Variants in PTPRR observed in about 807,000 individuals in gnomAD.
The protein encoded by PTPRR is protein tyrosine phosphatase receptor type R.
In PTPRR, 38 loss-of-function variants were observed where a neutral mutation model predicts 77.2. The observed-to-expected ratio is 0.49, with a 90% CI of 0.38 to 0.65. PTPRR has a LOEUF of 0.65. PTPRR is among the 30% of genes least tolerant of loss of function. The pLI is 0.00. For synonymous variants in PTPRR, 299 were observed against 283.1 expected, an observed-to-expected ratio of 1.06 and a Z score of -0.57; for missense variants, 744 against 799.2, an observed-to-expected ratio of 0.93 and a Z score of 0.83.
intron 5 of PTPRR, among the ~76,000 whole-genome samples, chr12:70,749,836 C>A (rs910150698): frequency 6.6e-6 from 1 of 152,184 alleles, no homozygotes; most frequent in African/African-American, 2.4e-5. Context: ...AGCAATCTGG[C>A]CTGTAGACAT....
chr12:70,847,636 C>T (rs940730064), intron 2 of PTPRR, among the ~76,000 whole-genome samples: 1 of 152,040 alleles, frequency 6.6e-6, no homozygotes, highest in Non-Finnish European at 1.5e-5. Context: ...TTTATTGTTC[C>T]TACTTCACCA....
At chr12:70,736,583 A>C (rs1326108093) in intron 6 of PTPRR, among the ~76,000 whole-genome samples, 2 of 152,186 alleles carry the variant, frequency 1.3e-5, no homozygotes, top group Non-Finnish European at 2.9e-5. Flanking sequence ...TCTGAGCATG[A>C]GTTTCCACTC....
intron 10 of PTPRR, among the ~76,000 whole-genome samples, chr12:70,676,365 T>C (rs952469181): frequency 2.6e-5 from 4 of 152,156 alleles, no homozygotes; most frequent in South Asian, 2.1e-4. Context: ...CCTTTTTGGA[T>C]AGTAACTTGT....
At chr12:70,738,482 A>C (rs762261846) in intron 6 of PTPRR, among the ~76,000 whole-genome samples, 2 of 152,240 alleles carry the variant, frequency 1.3e-5, no homozygotes, top group African/African-American at 2.4e-5. Context: ...CTCCTTGCAC[A>C]GTGTTTACTT....
chr12:70,846,880 A>G (rs552230281), intron 2 of PTPRR, among the ~76,000 whole-genome samples: 13 of 152,162 alleles, frequency 8.5e-5, no homozygotes, highest in African/African-American at 3.1e-4. Flanking sequence ...TCTTTCCTCA[A>G]TCTATCCACA....
At chr12:70,758,566 C>T (rs1245002498) in intron 4 of PTPRR, among the ~76,000 whole-genome samples, 1 of 152,126 alleles carries the variant, frequency 6.6e-6, no homozygotes, top group Non-Finnish European at 1.5e-5. Context: ...AAAGAATTGT[C>T]CTAGGCAAGA....
At chr12:70,737,507 T>TATCC (rs1340057209) in intron 6 of PTPRR, among the ~76,000 whole-genome samples, 3 of 151,752 alleles carry the variant, frequency 2.0e-5, no homozygotes, top group Non-Finnish European at 4.4e-5. Flanking sequence ...TCTATCTATC[T>TATCC]ATCTATCTAT....
At chr12:70,754,806 T>C in intron 4 of PTPRR, 2 of 1,410,894 alleles carry the variant, frequency 1.4e-6, no homozygotes, top group Middle Eastern at 1.8e-4. Context: ...TTTCTTTTAA[T>C]CACATCTTTT....
chr12:70,799,034 T>C (rs1891566765), intron 2 of PTPRR, among the ~76,000 whole-genome samples: 2 of 152,114 alleles, frequency 1.3e-5, no homozygotes, highest in South Asian at 4.1e-4. Flanking sequence ...AGGACCTTGG[T>C]AGAAGAAGTA....
chr12:70,752,860 A>G (rs1322800813), intron 5 of PTPRR, among the ~76,000 whole-genome samples: 1 of 152,196 alleles, frequency 6.6e-6, no homozygotes, highest in African/African-American at 2.4e-5. Context: ...ACAAGGAACT[A>G]TGTCCTTTAA....
chr12:70,724,513 G>GT (rs1164393740), intron 6 of PTPRR, among the ~76,000 whole-genome samples: 4 of 152,284 alleles, frequency 2.6e-5, no homozygotes, highest in South Asian at 4.1e-4. Flanking sequence ...TATTATTAAT[G>GT]TTTTTTATTA....
intron 6 of PTPRR, among the ~76,000 whole-genome samples, chr12:70,742,939 C>T (rs922428813): frequency 6.6e-6 from 1 of 152,168 alleles, no homozygotes; most frequent in Non-Finnish European, 1.5e-5. Context: ...AGTTCCATTT[C>T]TGAATGTTGT....
At chr12:70,755,218 A>T (rs1373449728) in intron 4 of PTPRR, among the ~76,000 whole-genome samples, 1 of 152,210 alleles carries the variant, frequency 6.6e-6, no homozygotes, top group African/African-American at 2.4e-5. Flanking sequence ...AAATCAAGTC[A>T]AATGCTTTAA....
intron 10 of PTPRR, among the ~76,000 whole-genome samples, chr12:70,663,408 A>T (rs763310731): frequency 6.6e-6 from 1 of 152,186 alleles, no homozygotes; most frequent in South Asian, 2.1e-4. Flanking sequence ...TAGTTTCTTT[A>T]TTATTGGCTA....
At chr12:70,899,661 A>G (rs975747137) in intron 1 of PTPRR, among the ~76,000 whole-genome samples, 1 of 151,442 alleles carries the variant, frequency 6.6e-6, no homozygotes, top group Non-Finnish European at 1.5e-5. Context: ...GACAAGGACA[A>G]GGCACCCATA....
rs1316484572 is a variant in PTPRR, at chr12:70,725,255, AT to A, written c.1007+20562del. ...TCTCATGTCAAAATTTTCCTCACTT[AT>A]CTTTATGTTTAAGAAGAAATATTTT... On this transcript the variant is annotated intron_variant, in intron 6 of 13. Transcript: ENST00000283228. Among the ~76,000 whole-genome samples, 3 of 152,230 alleles carry A rather than the reference AT, an allele frequency of 2.0e-5. No individual in the cohort carries two copies. In the East Asian group the frequency reaches 5.8e-4, roughly 29 times the overall value.
chr12:70,761,777 T>C (rs905568162), intron 3 of PTPRR, 151 bp from the exon 4 acceptor site: 4 of 589,356 alleles, frequency 6.8e-6, no homozygotes, highest in Non-Finnish European at 7.8e-6. Context: ...TATTCTCTGA[T>C]AGACTTAATG....
chr12:70,706,684 C>T (rs1173711320), intron 6 of PTPRR, among the ~76,000 whole-genome samples: 1 of 151,856 alleles, frequency 6.6e-6, no homozygotes, highest in African/African-American at 2.4e-5. Flanking sequence ...TTTACTACAC[C>T]CTTATTTTAC....
intron 6 of PTPRR, among the ~76,000 whole-genome samples, chr12:70,707,399 C>G (rs1001820806): frequency 3.3e-5 from 5 of 151,490 alleles, no homozygotes; most frequent in African/African-American, 9.7e-5. Context: ...GGCACAGAAC[C>G]ATTGCATATG....
Sources: allele counts gnomAD v4.1 joint callset (sites outside exome capture counted in the v4.1 genomes callset), GRCh38; gene constraint gnomAD v4.1.1; transcripts MANE v1.5; gene names NCBI Gene and HGNC (gene_info 2026-07-23, HGNC 2026-07-21).